Variants in PLCE1 observed in about 807,000 individuals in gnomAD.
The protein encoded by PLCE1 is phospholipase C epsilon 1.
In PLCE1, 119 loss-of-function variants were observed where a neutral mutation model predicts 242.8. The ratio of observed to expected loss-of-function variants is 0.49; its 90% CI spans 0.42 to 0.57. The LOEUF (loss-of-function observed/expected upper bound fraction) is 0.57. Among genes scored for constraint, PLCE1 ranks in the 20% least tolerant of loss-of-function variants. The pLI is 0.00. For synonymous variants in PLCE1, 945 were observed against 1,017.4 expected (o/e 0.93, Z 1.35); for missense variants, 2,441 against 2,788.8 (o/e 0.88, Z 2.81).
At chr10:94,308,472 A>G (rs557441517) in intron 26 of PLCE1, 109 bp from the exon 27 acceptor site, 22 of 815,208 alleles carry the variant, frequency 2.7e-5, no homozygotes, top group South Asian at 2.5e-4. Context: ...GCCTGTTGCC[A>G]TCCCTGCCCA....
intron 2 of PLCE1, among the ~76,000 whole-genome samples, chr10:94,059,352 T>C (rs1452112839): frequency 2.0e-5 from 3 of 151,994 alleles, no homozygotes; most frequent in Non-Finnish European, 2.9e-5. Context: ...CAGTGCCAGG[T>C]TGATGTCTAG....
rs149543623 is a variant in PLCE1 at position 94,245,564 on chromosome 10, G to A, written c.2421-382G>A. On this transcript the variant is annotated intron_variant, in intron 7 of 32. Transcript: ENST00000371380. ...TGCAGTGGCACGATCGCAGCTCACT[G>A]CAAGCTCCGCCTCCCGGGTTCAAGC... 3.0e-3 allele frequency among the ~76,000 whole-genome samples: 454 copies of A among 152,238 alleles called. 2 individuals are homozygous for A. The highest frequency in any genetic ancestry group is 0.01 in the African/African-American group (421 of 41,552).
At chr10:94,114,227 A>G (rs187728007) in intron 2 of PLCE1, among the ~76,000 whole-genome samples, 5 of 152,310 alleles carry the variant, frequency 3.3e-5, no homozygotes, top group Admixed American at 3.3e-4. Flanking sequence ...TCTAGAGGGG[A>G]AGGAAAAGTC....
chr10:94,117,398 C>A (rs1299806567), intron 2 of PLCE1, among the ~76,000 whole-genome samples: 1 of 152,240 alleles, frequency 6.6e-6, no homozygotes, highest in Non-Finnish European at 1.5e-5. Flanking sequence ...TCTTCTTTGA[C>A]TCCTACCAGC....
At chr10:94,235,311 G>A (rs1302712910) in intron 6 of PLCE1, among the ~76,000 whole-genome samples, 3 of 152,188 alleles carry the variant, frequency 2.0e-5, no homozygotes, top group African/African-American at 7.2e-5. Flanking sequence ...AGACTCCCGG[G>A]CCACACCCCC....
At chr10:94,185,910 T>G (rs991298353) in intron 4 of PLCE1, among the ~76,000 whole-genome samples, 1 of 152,246 alleles carries the variant, frequency 6.6e-6, no homozygotes, top group African/African-American at 2.4e-5. Flanking sequence ...ATTCACCAAA[T>G]GTAAGAATCC....
At chr10:94,302,060 C>T (rs542943770) in intron 24 of PLCE1, among the ~76,000 whole-genome samples, 4 of 152,274 alleles carry the variant, frequency 2.6e-5, no homozygotes, top group African/African-American at 9.6e-5. Context: ...CTGATTTGTG[C>T]ACACTTTTTC....
At chr10:94,176,902 G>A (rs2048144290) in intron 4 of PLCE1, among the ~76,000 whole-genome samples, 3 of 152,120 alleles carry the variant, frequency 2.0e-5, no homozygotes, top group Admixed American at 6.5e-5. Flanking sequence ...CTGAGCCCTC[G>A]AGTCTGGGGC....
chr10:94,206,272 C>T (rs997404747), intron 4 of PLCE1, among the ~76,000 whole-genome samples: 3 of 152,130 alleles, frequency 2.0e-5, no homozygotes, highest in Admixed American at 6.5e-5. Context: ...CTGTGTAAAG[C>T]GTGCCTGGCA....
chr10:94,306,552 G>A lies in PLCE1; in HGVS notation c.5748G>A (p.Leu1916=), dbSNP rs1369636728. ...CAAAGCCCATCCATCGAAACACCCT[G>A]AACCCCATGTGGAACGAGCAGTTTC... ...FRTKPIHRNT[L]NPMWNEQFLF... is the part of the protein sequence containing the mutation. Residue 1916 remains leucine, a synonymous_variant, in exon 26 of 33, where the codon CTG becomes CTA. Transcript: ENST00000371380. This position sits in a 1 kb window ranked among gnomAD's most constrained non-coding sequence, Gnocchi z 5.7. 1 of 1,614,030 alleles carries A rather than the reference G, an allele frequency of 6.2e-7. No homozygotes were observed. The highest frequency in any genetic ancestry group is 8.5e-7 in the Non-Finnish European group (1 of 1,180,008).
At chr10:94,208,044 G>A (rs1487091011) in intron 4 of PLCE1, among the ~76,000 whole-genome samples, 15 of 152,178 alleles carry the variant, frequency 9.9e-5, no homozygotes, top group South Asian at 2.1e-4. Context: ...GACTGATTCC[G>A]GTGGTATTTA....
At chr10:94,280,305 T>G in intron 20 of PLCE1, 1 of 277,836 alleles carries the variant, frequency 3.6e-6, no homozygotes, top group Non-Finnish European at 7.0e-6. Flanking sequence ...CTCTGTGCTC[T>G]CTGTTTCACA....
intron 7 of PLCE1, among the ~76,000 whole-genome samples, chr10:94,241,450 T>C (rs1050854102): frequency 3.3e-5 from 5 of 152,196 alleles, no homozygotes; most frequent in African/African-American, 1.2e-4. Context: ...CTTTTTGCTC[T>C]TAAAACAACA....
chr10:94,208,231 AG>A (rs1180610796), intron 4 of PLCE1, among the ~76,000 whole-genome samples: 1 of 152,232 alleles, frequency 6.6e-6, no homozygotes, highest in Non-Finnish European at 1.5e-5. Context: ...GTGATGCAAA[AG>A]TTCCACATCC....
At chr10:94,179,512 G>GTTTTTTTTTTTTTTTTTTT (rs1554877545) in intron 4 of PLCE1, among the ~76,000 whole-genome samples, 942 of 19,136 alleles carry the variant, frequency 0.049, 69 homozygotes, top group Non-Finnish European at 0.071. Flanking sequence ...TTTTAGTTTA[G>GTTTTTTTTTTTTTTTTTTT]TTTTTTTTTT....
chr10:94,171,655 A>G (rs1363789103), intron 4 of PLCE1, among the ~76,000 whole-genome samples, 159 bp downstream of exon 4: 4 of 152,092 alleles, frequency 2.6e-5, no homozygotes, highest in Admixed American at 6.5e-5. Flanking sequence ...AGAGACAGAC[A>G]TCACATTGCA....
At chr10:94,307,659 C>G (rs1348431768) in intron 26 of PLCE1, among the ~76,000 whole-genome samples, 1 of 152,192 alleles carries the variant, frequency 6.6e-6, no homozygotes, top group African/African-American at 2.4e-5. Flanking sequence ...GGTCCCCACA[C>G]AGTCAGCCCT....
chr10:94,288,471 C>A (rs149897929), intron 22 of PLCE1, among the ~76,000 whole-genome samples: 1 of 152,192 alleles, frequency 6.6e-6, no homozygotes, highest in Admixed American at 6.5e-5. Context: ...TTGTTTACTA[C>A]ACTTGCTGAA....
chr10:94,262,445 C>T (rs1564840313), intron 13 of PLCE1, 49 bp from the exon 14 acceptor site: 1 of 1,280,638 alleles, frequency 7.8e-7, no homozygotes, highest in East Asian at 2.3e-5. Flanking sequence ...ATGAACTTTG[C>T]AAAAGATGCT....
Sources: allele counts gnomAD v4.1 joint callset (sites outside exome capture counted in the v4.1 genomes callset), GRCh38; gene constraint gnomAD v4.1.1; non-coding constraint Gnocchi (gnomAD v3.1); transcripts MANE v1.5; gene names NCBI Gene and HGNC (gene_info 2026-07-23, HGNC 2026-07-21).